The following CCDC38 variants were observed in gnomAD, a reference collection of about 807,000 sequenced individuals.
CCDC38 encodes the protein coiled-coil domain-containing protein 38.
In CCDC38, 69 loss-of-function variants were observed where a neutral mutation model predicts 72.8. The observed-to-expected ratio is 0.95, with a 90% confidence interval of 0.78 to 1.16. The LOEUF is 1.16. Among genes scored for constraint, CCDC38 ranks in the 50% most tolerant of loss-of-function variants. The probability of loss-of-function intolerance (pLI) is 0.00; values close to 1 mark genes in which losing one functional copy is unlikely to be tolerated. For missense variants in CCDC38, 626 were observed against 638.9 expected (o/e 0.98, Z 0.22); for synonymous variants, 201 against 213.2 (o/e 0.94, Z 0.50).
At chr12:95,935,278 A>G (rs75683420) in intron 2 of CCDC38, 1,800 of 152,780 alleles carry the variant, frequency 0.012, 21 homozygotes, top group Non-Finnish European at 0.019. Flanking sequence ...ATAGGAATAG[A>G]ACCCTAAATG....
intron 15 of CCDC38, among the ~76,000 whole-genome samples, chr12:95,868,960 C>T (rs1036157415): frequency 1.3e-5 from 2 of 152,118 alleles, no homozygotes; most frequent in East Asian, 1.9e-4. Flanking sequence ...CAGTTACATG[C>T]GATTCTCTGG....
At chr12:95,905,094 T>G (rs2079987650) in intron 5 of CCDC38, among the ~76,000 whole-genome samples, 1 of 152,220 alleles carries the variant, frequency 6.6e-6, no homozygotes, top group Non-Finnish European at 1.5e-5. Flanking sequence ...GTAGATTAAT[T>G]ATAGTACCTA....
rs140164257 is a variant in CCDC38, at chr12:95,939,762, G to C, written c.-15+2669C>G. Among the ~76,000 whole-genome samples, 217 of 152,302 alleles carry C rather than the reference G, an allele frequency of 1.4e-3. 1 individual carries two copies. Among genetic ancestry groups the C allele is most frequent in the African/African-American group, 4.5e-3 (189 of 41,558 alleles). On this transcript the variant is annotated intron_variant, in intron 1 of 15. Coordinates refer to ENST00000344280, the MANE Select transcript of CCDC38 (RefSeq NM_182496.3). ...TACTGTTCTTTCAAGTGAACCCCAT[G>C]CTGGTTGATTTAATTAATTGTTGTG...
At chr12:95,909,265 T>C (rs1311202136) in intron 4 of CCDC38, among the ~76,000 whole-genome samples, 3 of 152,110 alleles carry the variant, frequency 2.0e-5, no homozygotes, top group African/African-American at 7.2e-5. Flanking sequence ...GAGACTATTA[T>C]GAACACCTCT....
At chr12:95,874,375 C>T (rs557102118) in intron 13 of CCDC38, among the ~76,000 whole-genome samples, 3 of 152,236 alleles carry the variant, frequency 2.0e-5, no homozygotes, top group East Asian at 3.9e-4. Context: ...TGGCTTTTTA[C>T]GATGTCTTTT....
intron 4 of CCDC38, among the ~76,000 whole-genome samples, chr12:95,910,302 TAC>T (rs141853582): frequency 0.033 from 4,814 of 148,110 alleles, 110 homozygotes; most frequent in African/African-American, 0.072. Context: ...CCATTTACAT[TAC>T]ACACACACAC....
intron 4 of CCDC38, 88 bp downstream of exon 4, chr12:95,917,041 G>A (rs1352375938): frequency 9.6e-7 from 1 of 1,040,906 alleles, no homozygotes; most frequent in East Asian, 2.8e-5. Context: ...CATACTGTCT[G>A]TTTTAATCAC....
chr12:95,899,407 C>T (rs1226864393), intron 5 of CCDC38, among the ~76,000 whole-genome samples: 1 of 152,178 alleles, frequency 6.6e-6, no homozygotes, highest in Non-Finnish European at 1.5e-5. Context: ...AAGCAATCTT[C>T]CCACCTCAGC....
intron 15 of CCDC38, among the ~76,000 whole-genome samples, chr12:95,869,171 A>C (rs2079554041): frequency 6.6e-6 from 1 of 152,198 alleles, no homozygotes; most frequent in African/African-American, 2.4e-5. Flanking sequence ...TATCTTTTGA[A>C]CTTTGAACAA....
intron 5 of CCDC38, 93 bp downstream of exon 5, chr12:95,906,294 T>G: frequency 1.1e-6 from 1 of 876,840 alleles, no homozygotes; most frequent in South Asian, 1.5e-5. Context: ...ATTTGGGACA[T>G]GTAATAGACA....
chr12:95,870,541 TAAG>T (rs2079570305), intron 14 of CCDC38, among the ~76,000 whole-genome samples: 1 of 152,200 alleles, frequency 6.6e-6, no homozygotes, highest in Non-Finnish European at 1.5e-5. Flanking sequence ...AAATTCTTTT[TAAG>T]AAGAATGTAA....
chr12:95,869,844 G>C (rs1317802455), intron 14 of CCDC38: 2 of 314,954 alleles, frequency 6.4e-6, no homozygotes, highest in African/African-American at 4.9e-5. Context: ...TTTCCTCAGA[G>C]ACAGAGTCTC....
At chr12:95,922,710 C>T (rs1374578913) in intron 2 of CCDC38, among the ~76,000 whole-genome samples, 3 of 152,188 alleles carry the variant, frequency 2.0e-5, no homozygotes, top group Admixed American at 6.5e-5. Flanking sequence ...CAATTTTAGG[C>T]CTTAAAAACA....
intron 2 of CCDC38, chr12:95,934,222 C>G (rs2080367084): frequency 1.3e-5 from 2 of 152,158 alleles, no homozygotes; most frequent in South Asian, 4.2e-4. Context: ...CAGACTTCAA[C>G]ATGGTGCCTG....
At chr12:95,925,405 T>G (rs1157972073) in intron 2 of CCDC38, among the ~76,000 whole-genome samples, 6 of 152,254 alleles carry the variant, frequency 3.9e-5, no homozygotes, top group African/African-American at 1.4e-4. Context: ...CCTGAGACTT[T>G]GCTGAAGTTG....
chr12:95,868,258 A>G (rs1052584915), intron 15 of CCDC38, among the ~76,000 whole-genome samples: 5 of 152,166 alleles, frequency 3.3e-5, no homozygotes, highest in African/African-American at 1.2e-4. Flanking sequence ...TTCACTACAC[A>G]TCAAGTATCC....
chr12:95,916,420 T>TTCCTTCCTTCCTTCCTTC (rs1565961062), intron 4 of CCDC38, among the ~76,000 whole-genome samples: 8 of 126,148 alleles, frequency 6.3e-5, no homozygotes, highest in Admixed American at 2.2e-4. Context: ...TTCCTTCCTT[T>TTCCTTCCTTCCTTCCTTC]TTTCCCTTCT....
chr12:95,929,638 C>A (rs2080315386), intron 2 of CCDC38, among the ~76,000 whole-genome samples: 1 of 152,176 alleles, frequency 6.6e-6, no homozygotes, highest in South Asian at 2.1e-4. Context: ...TTGGAATTGA[C>A]AAGGTGATAT....
chr12:95,914,441 C>T (rs1124413), intron 4 of CCDC38, among the ~76,000 whole-genome samples: 1 of 152,236 alleles, frequency 6.6e-6, no homozygotes, highest in Non-Finnish European at 1.5e-5. Context: ...ACATTATCAA[C>T]ATTTTACCAA....
Sources: gnomAD v4.1 joint callset for allele counts (sites outside exome capture counted in the v4.1 genomes callset) on GRCh38, gnomAD v4.1.1 for gene constraint, MANE v1.5 for transcripts, NCBI Gene and HGNC (gene_info 2026-07-23, HGNC 2026-07-21) for gene names.